The following BRINP1 variants were observed in gnomAD, a reference collection of about 807,000 sequenced individuals.
BRINP1 encodes the protein BMP/retinoic acid-inducible neural-specific protein 1.
Under a neutral mutation model 72.9 loss-of-function variants are expected in BRINP1, and 17 were observed. The ratio of observed to expected loss-of-function variants is 0.23; its 90% CI spans 0.16 to 0.35. BRINP1 has a LOEUF of 0.35. Ranked by LOEUF, BRINP1 falls within the 10% of genes least tolerant of loss-of-function variation. BRINP1 has a pLI of 1.00. For synonymous variants in BRINP1, 418 were observed against 378.5 expected (o/e 1.10, Z -1.21); for missense variants, 850 against 1,001.6 (o/e 0.85, Z 2.04).
chr9:119,336,919 G>C (rs1564251585), intron 1 of BRINP1, among the ~76,000 whole-genome samples: 2 of 152,082 alleles, frequency 1.3e-5, no homozygotes, highest in African/African-American at 4.8e-5. Context: ...GGGTCTAAAT[G>C]GACAGGCATC....
rs536988029 is a variant in BRINP1, at chr9:119,285,034, C to T, written c.218+28104G>A. ...AGAGCATCTTTACGTTAATTTATGA[C>T]GGAGTTTTTGAAACAAGCAAAGCTT... On this transcript the variant is annotated intron_variant, in intron 2 of 7. Transcript: ENST00000265922. Among the ~76,000 whole-genome samples the T allele has an allele frequency of 5.3e-5, 8 of 152,112 alleles. No homozygotes were observed. The South Asian group carries it at 1.0e-3, about 20-fold the overall frequency.
At chr9:119,207,298 T>G (rs1419153786) in intron 7 of BRINP1, among the ~76,000 whole-genome samples, 1 of 152,202 alleles carries the variant, frequency 6.6e-6, no homozygotes, top group Non-Finnish European at 1.5e-5. Context: ...TGAGTGCCAG[T>G]AGAACAGACT....
At position 119,189,612 on chromosome 9, in the gene BRINP1, A is replaced by C. The variant is rs574873197; in HGVS notation, c.1145+19107T>G. On this transcript the variant is annotated intron_variant, in intron 7 of 7. Coordinates refer to ENST00000265922, the MANE Select transcript of BRINP1 (RefSeq NM_014618.3). ...ACAATAAAAGCATCAGTTCATCAAG[A>C]GGACATAGCAAATATAAATATACAT... Among the ~76,000 whole-genome samples the C allele has an allele frequency of 3.1e-3, 473 of 152,296 alleles. 1 individual carries two copies. The highest frequency in any genetic ancestry group is 4.2e-3 in the Non-Finnish European group (286 of 67,982).
chr9:119,245,683 T>C (rs1464605008), intron 3 of BRINP1, among the ~76,000 whole-genome samples: 2 of 152,202 alleles, frequency 1.3e-5, no homozygotes, highest in Non-Finnish European at 2.9e-5. Flanking sequence ...TTCCTCTTCC[T>C]AAAGAGTGAA....
At chr9:119,224,407 A>G (rs1830071357) in intron 5 of BRINP1, among the ~76,000 whole-genome samples, 1 of 152,070 alleles carries the variant, frequency 6.6e-6, no homozygotes, top group South Asian at 2.1e-4. Context: ...ATACATTCAG[A>G]AAACTCTGTA....
At chr9:119,353,309 C>T (rs956084477) in intron 1 of BRINP1, among the ~76,000 whole-genome samples, 2 of 152,212 alleles carry the variant, frequency 1.3e-5, no homozygotes, top group Admixed American at 1.3e-4. Flanking sequence ...ACCTTTCCCT[C>T]CTTTTCCTCT....
chr9:119,169,790 G>A (rs534060660), intron 7 of BRINP1, among the ~76,000 whole-genome samples: 15 of 144,646 alleles, frequency 1.0e-4, no homozygotes, highest in Admixed American at 4.2e-4. Flanking sequence ...ATCTGAGAAC[G>A]GGCAGACTGC....
chr9:119,246,871 C>A (rs1418403078), intron 3 of BRINP1, among the ~76,000 whole-genome samples: 1 of 152,238 alleles, frequency 6.6e-6, no homozygotes, highest in African/African-American at 2.4e-5. Context: ...CTCCTCCACA[C>A]TGAGGGCTGA....
At chr9:119,233,343 G>A (rs1830164461) in intron 5 of BRINP1, among the ~76,000 whole-genome samples, 1 of 151,966 alleles carries the variant, frequency 6.6e-6, no homozygotes, top group Non-Finnish European at 1.5e-5. Context: ...TGGGAATCAT[G>A]TTGAGGATTA....
intron 2 of BRINP1, among the ~76,000 whole-genome samples, chr9:119,278,437 T>C (rs1439752266): frequency 1.3e-5 from 2 of 152,218 alleles, no homozygotes; most frequent in East Asian, 1.9e-4. Flanking sequence ...TAGAGCCTAT[T>C]AGAGAACCAT....
At chr9:119,336,446 C>T (rs563150175) in intron 1 of BRINP1, among the ~76,000 whole-genome samples, 5 of 152,108 alleles carry the variant, frequency 3.3e-5, no homozygotes, top group South Asian at 2.1e-4. Context: ...CTCATTACTC[C>T]GAGAGCAATC....
At chr9:119,337,701 T>C (rs1021620931) in intron 1 of BRINP1, among the ~76,000 whole-genome samples, 2 of 152,370 alleles carry the variant, frequency 1.3e-5, no homozygotes, top group East Asian at 1.9e-4. Context: ...GGAAACTTAC[T>C]GCTGTCTTTA....
chr9:119,286,093 ATTAT>A (rs1830758016), intron 2 of BRINP1, among the ~76,000 whole-genome samples: 1 of 151,998 alleles, frequency 6.6e-6, no homozygotes, highest in South Asian at 2.1e-4. Context: ...TGGAGATACT[ATTAT>A]TATTATTATC....
chr9:119,280,186 A>C lies in BRINP1; in HGVS notation c.219-31036T>G, dbSNP rs187542123. Among the ~76,000 whole-genome samples, 128 of 152,322 alleles carry C rather than the reference A, an allele frequency of 8.4e-4. 1 individual carries two copies. The highest frequency in any genetic ancestry group is 1.6e-3 in the Non-Finnish European group (112 of 68,038). On this transcript the variant is annotated intron_variant, in intron 2 of 7. Transcript: ENST00000265922. ...TATATGGATGTACAATAACATATAA[A>C]GAAAAGATGCAGTTGGTTGTAGACA...
intron 2 of BRINP1, among the ~76,000 whole-genome samples, chr9:119,267,180 T>A (rs533814904): frequency 6.6e-6 from 1 of 152,288 alleles, no homozygotes; most frequent in Admixed American, 6.5e-5. Flanking sequence ...GACTTGCTGA[T>A]GTGGAATATG....
chr9:119,170,286 AGGAGCTGAT>A (rs1253492907), intron 7 of BRINP1, among the ~76,000 whole-genome samples: 2 of 152,020 alleles, frequency 1.3e-5, no homozygotes, highest in Non-Finnish European at 2.9e-5. Flanking sequence ...AAGTGCTTAA[AGGAGCTGAT>A]GGAGCTGAAA....
chr9:119,330,852 C>G (rs1367894184), intron 1 of BRINP1, among the ~76,000 whole-genome samples: 1 of 151,942 alleles, frequency 6.6e-6, no homozygotes, highest in African/African-American at 2.4e-5. Flanking sequence ...ATAGTGAAAC[C>G]CCATCTCTAC....
At chr9:119,355,454 C>T (rs1017793989) in intron 1 of BRINP1, among the ~76,000 whole-genome samples, 2 of 152,096 alleles carry the variant, frequency 1.3e-5, no homozygotes, top group Non-Finnish European at 2.9e-5. Flanking sequence ...CCCGGCCGGG[C>T]ACGGTGGCTC....
At chr9:119,229,234 T>C (rs888516154) in intron 5 of BRINP1, among the ~76,000 whole-genome samples, 3 of 152,084 alleles carry the variant, frequency 2.0e-5, no homozygotes, top group African/African-American at 7.2e-5. Context: ...CAAGCACATA[T>C]GCCATGGAGG....
Sources: gnomAD v4.1 joint callset for allele counts (sites outside exome capture counted in the v4.1 genomes callset) on GRCh38, gnomAD v4.1.1 for gene constraint, MANE v1.5 for transcripts, NCBI Gene and HGNC (gene_info 2026-07-23, HGNC 2026-07-21) for gene names.